SRSF5: variants seen among roughly 807,000 people sequenced by gnomAD.
SRSF5 encodes the protein serine and arginine rich splicing factor 5.
SRSF5 carries 5 observed loss-of-function variants against 34.0 expected under a neutral mutation model. That is an observed-to-expected ratio of 0.15 (90% CI 0.08 to 0.31). The LOEUF (loss-of-function observed/expected upper bound fraction) is 0.31, where lower values mean the gene tolerates loss of function less well. SRSF5 is among the 10% of genes least tolerant of loss of function. The pLI is 1.00. For missense variants in SRSF5, 223 were observed against 351.4 expected (o/e 0.63, Z 2.92); for synonymous variants, 164 against 117.7 (o/e 1.39, Z -2.55).
chr14:69,771,063 A>G lies in SRSF5; in HGVS notation c.509A>G (p.Asn170Ser). The G allele has an allele frequency of 6.2e-7, 1 of 1,614,082 alleles. No individual in the cohort carries two copies. Among genetic ancestry groups the G allele is most frequent in the Non-Finnish European group, 8.5e-7 (1 of 1,179,974 alleles). ...AIEKLSGKEI[N>S]GRKIKLIEGS... ...GAAAAACTTTCTGGAAAGGAAATAA[A>G]TGGGAGAAAAATAAAATTAATTGAA... The change falls in exon 7 of 8, where the codon AAT (asparagine) becomes AGT (serine). Residue 170 changes from asparagine (N) to serine (S), a missense_variant. Asn to Ser is a conservative substitution (Grantham distance 46). This residue lies in a region of SRSF5 where 37 missense variants were observed against 96.7 expected (regional missense o/e 0.38). Coordinates refer to ENST00000557154, the MANE Select transcript of SRSF5 (RefSeq NM_001320214.2).
intron 4 of SRSF5, 97 bp downstream of exon 4, chr14:69,768,993 A>G (rs1688778536): frequency 3.6e-6 from 5 of 1,374,560 alleles, no homozygotes; most frequent in African/African-American, 2.9e-5. Context: ...GTCCTGCCGT[A>G]TAATCTGTTC....
rs1883238600 is a variant in SRSF5, at chr14:69,771,771, AAAAT to A, written c.*311_*314del. On this transcript the variant is annotated 3_prime_UTR_variant, in exon 8 of 8. Coordinates refer to ENST00000557154, the MANE Select transcript of SRSF5 (RefSeq NM_001320214.2). ...AAATTTAATTTTTTTGTACTAGAAA[AAAAT>A]TTGAACATTTTAGTTCTTGGTTATA... 2 of 249,248 alleles carry A rather than the reference AAAAT, an allele frequency of 8.0e-6. No homozygotes were observed. Among genetic ancestry groups the A allele is most frequent in the Admixed American group, 1.0e-4 (2 of 20,010 alleles). 15.4% of individuals were successfully genotyped at this position (249,248 alleles called of 1,614,324 possible). A position where few individuals can be genotyped will look rare whatever the true frequency, so the allele number is the denominator to read the frequency against.
chr14:69,770,399 T>C, intron 5 of SRSF5, 68 bp from the exon 6 acceptor site: 16 of 1,576,912 alleles, frequency 1.0e-5, no homozygotes, highest in Non-Finnish European at 1.3e-5. Context: ...CTTGTTTTTT[T>C]TATATCATGT....
Position 69,768,243 on chromosome 14 carries a change from G to A in SRSF5, c.87G>A (p.Arg29=). 6.2e-7 allele frequency: 1 copy of A among 1,614,194 alleles called. No homozygotes were observed. Among genetic ancestry groups the A allele is most frequent in the South Asian group, 1.1e-5 (1 of 91,084 alleles). The stretch of plus-strand genomic sequence containing the variant: ...AAAGATTCTTCAAGGGATATGGACG[G>A]ATAAGAGATATTGATCTGAAAAGAG... ...DVERFFKGYG[R]IRDIDLKRGF... The change falls in exon 2 of 8, where the codon CGG becomes CGA. Residue 29 remains arginine, a synonymous_variant. Transcript: ENST00000557154.
At chr14:69,768,762 A>C (rs1882849335) in intron 3 of SRSF5, 36 bp from the exon 4 acceptor site, 1 of 1,611,752 alleles carries the variant, frequency 6.2e-7, no homozygotes, top group Non-Finnish European at 8.5e-7. Flanking sequence ...TATGTAGCTT[A>C]AGTGTGTAAC....
At chr14:69,770,314 T>C in intron 5 of SRSF5, 153 bp from the exon 6 acceptor site, 1 of 1,420,704 alleles carries the variant, frequency 7.0e-7, no homozygotes, top group South Asian at 1.6e-5. Context: ...CATAGATAAT[T>C]TTTGAATTCT....
At chr14:69,770,101 TTC>T (rs1160211249) in intron 5 of SRSF5, 2 of 1,033,078 alleles carry the variant, frequency 1.9e-6, no homozygotes, top group Admixed American at 5.4e-5. Context: ...CTTGTAAATG[TTC>T]TGTTTTTTTA....
At chr14:69,768,078 A>T in intron 1 of SRSF5, 60 bp from the exon 2 acceptor site, 1 of 1,573,216 alleles carries the variant, frequency 6.4e-7, no homozygotes, top group African/African-American at 1.4e-5. Flanking sequence ...TTGATTGTTT[A>T]ATCAGGCGTT....
chr14:69,770,898 C>A, intron 6 of SRSF5, 97 bp from the exon 7 acceptor site: 1 of 1,075,424 alleles, frequency 9.3e-7, no homozygotes, highest in Non-Finnish European at 1.4e-6. Flanking sequence ...GTAGCAATAG[C>A]AAAAGTGAAC....
At chr14:69,770,357 G>A in intron 5 of SRSF5, 110 bp from the exon 6 acceptor site, 1 of 1,488,282 alleles carries the variant, frequency 6.7e-7, no homozygotes, top group Non-Finnish European at 8.9e-7. Flanking sequence ...TGCCATGTTT[G>A]TACTTTATCT....
At position 69,771,767 on chromosome 14, in the gene SRSF5, GA is replaced by G. The variant is rs1306244565; in HGVS notation, c.*313del. ...AAGCAAATTTAATTTTTTTGTACTA[GA>G]AAAAAATTTGAACATTTTAGTTCTT... On this transcript the variant is annotated 3_prime_UTR_variant, in exon 8 of 8. Coordinates refer to ENST00000557154, the MANE Select transcript of SRSF5 (RefSeq NM_001320214.2). The G allele has an allele frequency of 8.0e-6, 2 of 249,780 alleles. No individual in the cohort carries two copies. Among genetic ancestry groups the G allele is most frequent in the South Asian group, 9.0e-5 (1 of 11,132 alleles). The allele number at this position is 249,780 out of a possible 1,614,324, so 15.5% of individuals were successfully genotyped here.
At chr14:69,770,086 G>T in intron 5 of SRSF5, 1 of 1,026,142 alleles carries the variant, frequency 9.7e-7, no homozygotes, top group Non-Finnish European at 1.2e-6. Flanking sequence ...CAAAATAACT[G>T]GTGTCTTGTA....
chr14:69,768,392 C>T (rs2139685246), intron 2 of SRSF5, 110 bp downstream of exon 2: 1 of 1,480,408 alleles, frequency 6.8e-7, no homozygotes. Flanking sequence ...AAATGTTACC[C>T]AGCCTTATGT....
intron 1 of SRSF5, 37 bp from the exon 2 acceptor site, chr14:69,768,101 T>G (rs181278650): frequency 5.6e-6 from 9 of 1,609,616 alleles, no homozygotes; most frequent in Non-Finnish European, 7.6e-6. Context: ...TCTGTGACAG[T>G]CATTGCTATT....
chr14:69,767,871 C>G, intron 1 of SRSF5: 3 of 417,418 alleles, frequency 7.2e-6, no homozygotes, highest in Non-Finnish European at 1.3e-5. Flanking sequence ...GGCCGGAGAG[C>G]CCGGAGAGTG....
At chr14:69,769,327 T>A (rs1882944626) in intron 5 of SRSF5, 76 bp downstream of exon 5, 1 of 1,575,422 alleles carries the variant, frequency 6.3e-7, no homozygotes, top group Non-Finnish European at 8.6e-7. Context: ...TGTTGTATTG[T>A]TTTATTAAAA....
chr14:69,767,843 C>T (rs1178035469), intron 1 of SRSF5: 1 of 378,276 alleles, frequency 2.6e-6, no homozygotes, highest in Non-Finnish European at 5.1e-6. Flanking sequence ...CCTTTCCTAA[C>T]TGCGGCAGAT....
Position 69,769,536 on chromosome 14 carries a change from C to T in SRSF5, c.366+285C>T, listed in dbSNP as rs1250631474. 11 of 1,535,248 alleles carry T rather than the reference C, an allele frequency of 7.2e-6. No individual in the cohort carries two copies. In the East Asian group the frequency reaches 7.3e-5, roughly 10 times the overall value. On this transcript the variant is annotated intron_variant, in intron 5 of 7. Coordinates refer to ENST00000557154, the MANE Select transcript of SRSF5 (RefSeq NM_001320214.2). The stretch of plus-strand genomic sequence containing the variant: ...CCTGTCTGTGTCGTTGGCCTTATGA[C>T]GAGGAGTGCCTGTGGGTTATCCTAA...
At chr14:69,768,019 A>G in intron 1 of SRSF5, 119 bp from the exon 2 acceptor site, 2 of 1,164,972 alleles carry the variant, frequency 1.7e-6, no homozygotes, top group Middle Eastern at 2.6e-4. Context: ...CTCTGTTGGC[A>G]ATCTCGTTCA....
Sources: allele counts gnomAD v4.1 joint callset, GRCh38; gene constraint gnomAD v4.1.1; regional missense constraint gnomAD v4.1.1; transcripts MANE v1.5; gene names NCBI Gene and HGNC (gene_info 2026-07-23, HGNC 2026-07-21).